TEKTL1: variants seen among roughly 807,000 people sequenced by gnomAD.
TEKTL1 encodes tektin like 1.
chr19:15,017,249 G>A, the TEKTL1 span, among the ~76,000 whole-genome samples: 4 of 152,032 alleles, frequency 2.6e-5, no homozygotes, highest in Admixed American at 6.6e-5. Flanking sequence ...GACTAAAACA[G>A]GTAAAACTAG....
At chr19:15,020,890 T>TTC in the TEKTL1 span, among the ~76,000 whole-genome samples, 1 of 151,496 alleles carries the variant, frequency 6.6e-6, no homozygotes, top group African/African-American at 2.4e-5. Context: ...TTTTTTTTTT[T>TTC]TTCCTTTGAG....
chr19:15,022,734 T>TTTCCAGG, the TEKTL1 span: 3 of 892,960 alleles, frequency 3.4e-6, no homozygotes, highest in South Asian at 1.9e-5. Flanking sequence ...TTTTTTTTTT[T>TTTCCAGG]CCAGGCACAC....
the TEKTL1 span, among the ~76,000 whole-genome samples, chr19:15,012,650 G>A: frequency 7.3e-5 from 11 of 151,664 alleles, no homozygotes; most frequent in African/African-American, 2.7e-4. Context: ...AAGGAGATGA[G>A]ATCCTCAGCT....
At chr19:15,018,715 A>ATATATATATATATATATATAT in the TEKTL1 span, among the ~76,000 whole-genome samples, 8 of 68,250 alleles carry the variant, frequency 1.2e-4, no homozygotes, top group South Asian at 4.0e-4. Context: ...CCTATCTCAA[A>ATATATATATATATATATATAT]ATATGTATAT....
the TEKTL1 span, chr19:15,020,645 G>T: frequency 6.2e-7 from 1 of 1,613,182 alleles, no homozygotes. Flanking sequence ...GACCCTGTGG[G>T]CACCTATAAC....
chr19:15,022,184 G>T, the TEKTL1 span, among the ~76,000 whole-genome samples: 2 of 152,090 alleles, frequency 1.3e-5, no homozygotes, highest in Non-Finnish European at 2.9e-5. Flanking sequence ...TCTGGCCTTA[G>T]TCTCTCTAAC....
At chr19:15,020,594 C>G in the TEKTL1 span, 6 of 1,613,960 alleles carry the variant, frequency 3.7e-6, no homozygotes, top group Non-Finnish European at 5.1e-6. Context: ...CTCTCCCGAG[C>G]CCCCACTCCA....
At chr19:15,019,662 A>T in the TEKTL1 span, among the ~76,000 whole-genome samples, 1 of 152,174 alleles carries the variant, frequency 6.6e-6, no homozygotes, top group Non-Finnish European at 1.5e-5. Context: ...GAAAATATTT[A>T]TCTGGAACAT....
the TEKTL1 span, among the ~76,000 whole-genome samples, chr19:15,020,881 T>C: frequency 1.2e-5 from 1 of 81,728 alleles, no homozygotes; most frequent in Admixed American, 1.2e-4. Flanking sequence ...AGGCTCTGCT[T>C]TTTTTTTTTT....
At chr19:15,023,074 C>T in the TEKTL1 span, 1 of 1,609,310 alleles carries the variant, frequency 6.2e-7, no homozygotes, top group African/African-American at 1.3e-5. Context: ...AGGACTGGGA[C>T]CCGCGCACGC....
the TEKTL1 span, among the ~76,000 whole-genome samples, chr19:15,022,666 T>TC: frequency 6.6e-6 from 1 of 150,964 alleles, no homozygotes; most frequent in East Asian, 2.0e-4. Context: ...CTAAGGAGGA[T>TC]CCTTCCTACA....
chr19:15,011,535 A>T, the TEKTL1 span: 1 of 639,564 alleles, frequency 1.6e-6, no homozygotes, highest in Non-Finnish European at 2.3e-6. Flanking sequence ...GGAATTCGAG[A>T]CCAGCCTGAC....
chr19:15,023,256 A>C, the TEKTL1 span: 1 of 767,396 alleles, frequency 1.3e-6, no homozygotes, highest in South Asian at 1.9e-5. Context: ...TATAATTAAA[A>C]ATAACAATAA....
At chr19:15,022,474 G>A in the TEKTL1 span, among the ~76,000 whole-genome samples, 3 of 152,064 alleles carry the variant, frequency 2.0e-5, no homozygotes, top group African/African-American at 7.2e-5. Flanking sequence ...GATTACAGGT[G>A]CGCGCCACCA....
At chr19:15,013,511 C>T in the TEKTL1 span, among the ~76,000 whole-genome samples, 6 of 152,254 alleles carry the variant, frequency 3.9e-5, no homozygotes, top group South Asian at 1.2e-3. Flanking sequence ...ATCAAACCTT[C>T]TCAAAGAGTG....
chr19:15,012,572 A>C, the TEKTL1 span, among the ~76,000 whole-genome samples: 2 of 152,020 alleles, frequency 1.3e-5, no homozygotes, highest in Non-Finnish European at 1.5e-5. Context: ...ACAAACAAAA[A>C]AAGATGATGG....
chr19:15,019,320 T>G, the TEKTL1 span, among the ~76,000 whole-genome samples: 2 of 152,304 alleles, frequency 1.3e-5, no homozygotes, highest in East Asian at 1.9e-4. Flanking sequence ...ATAAATACAA[T>G]TTTTATTTAT....
the TEKTL1 span, among the ~76,000 whole-genome samples, chr19:15,012,401 C>T: frequency 1.3e-5 from 2 of 151,720 alleles, no homozygotes; most frequent in East Asian, 3.9e-4. Context: ...CTCTCTGCAC[C>T]AAAGTTTAAA....
chr19:15,021,237 G>C, the TEKTL1 span: 1 of 1,364,362 alleles, frequency 7.3e-7, no homozygotes, highest in Non-Finnish European at 9.9e-7. Context: ...CTTTCACCCA[G>C]TTCCTCAATA....
Sources: allele counts gnomAD v4.1 joint callset (sites outside exome capture counted in the v4.1 genomes callset), GRCh38; gene constraint gnomAD v4.1.1; transcripts MANE v1.5; gene names NCBI Gene and HGNC (gene_info 2026-07-23, HGNC 2026-07-21).